The following RNF38 variants were observed in gnomAD, a reference collection of about 807,000 sequenced individuals.
RNF38 encodes ring finger protein 38, also known as E3 ubiquitin-protein ligase RNF38.
Under a neutral mutation model 67.2 loss-of-function variants are expected in RNF38, and 15 were observed. The ratio of observed to expected loss-of-function variants is 0.22; its 90% CI spans 0.15 to 0.34. The LOEUF (loss-of-function observed/expected upper bound fraction) is 0.34. RNF38 is among the 10% of genes least tolerant of loss of function. RNF38 has a pLI of 1.00. For synonymous variants in RNF38, 220 were observed against 218.8 expected (o/e 1.01, Z -0.05); for missense variants, 524 against 639.9 (o/e 0.82, Z 1.95).
intron 4 of RNF38, 68 bp from the exon 5 acceptor site, chr9:36,358,010 C>T: frequency 7.5e-7 from 1 of 1,339,624 alleles, no homozygotes; most frequent in South Asian, 1.3e-5. Flanking sequence ...TCAAAATCAA[C>T]ATTTGGTCAT....
Position 36,375,681 on chromosome 9 carries a change from G to A in RNF38, c.356+253C>T, listed in dbSNP as rs560605678. The stretch of plus-strand genomic sequence containing the variant: ...TAGTCCACAACAATCTGTACCTTAA[G>A]TAGCTAATTTCATATATAATGGCAT... On this transcript the variant is annotated intron_variant, in intron 3 of 11. Transcript: ENST00000259605. 1.6e-4 allele frequency among the ~76,000 whole-genome samples: 24 copies of A among 152,268 alleles called. No individual in the cohort carries two copies. The South Asian group carries it at 5.0e-3, about 32-fold the overall frequency.
At chr9:36,384,565 A>G (rs9407038) in intron 2 of RNF38, among the ~76,000 whole-genome samples, 99,418 of 152,058 alleles carry the variant, frequency 0.65, 32,567 homozygotes, top group South Asian at 0.67. Flanking sequence ...TGCAGGATGA[A>G]GGGCTGAAAA....
rs536218369 is a variant in RNF38, at chr9:36,360,024, C to T, written c.571-2082G>A. Among the ~76,000 whole-genome samples, 74 of 152,094 alleles carry T rather than the reference C, an allele frequency of 4.9e-4. 1 individual carries two copies. The highest frequency in any genetic ancestry group is 1.7e-3 in the African/African-American group (72 of 41,472). On this transcript the variant is annotated intron_variant, in intron 4 of 11. Transcript: ENST00000259605. ...CCTCCCAAAGTGTTAGGATTATAGG[C>T]GTGAGCCACCGTGCCTGACCTATAT...
intron 1 of RNF38, among the ~76,000 whole-genome samples, chr9:36,435,875 C>G (rs1033410394): frequency 2.6e-5 from 4 of 152,064 alleles, no homozygotes; most frequent in Non-Finnish European, 5.9e-5. Context: ...GTGATCCGCC[C>G]GCCTCAGCCT....
chr9:36,347,358 C>A (rs1026048159), intron 9 of RNF38, among the ~76,000 whole-genome samples: 7 of 152,124 alleles, frequency 4.6e-5, no homozygotes, highest in Non-Finnish European at 1.0e-4. Context: ...ACAGATACGA[C>A]CTTTTTAAAA....
At chr9:36,445,941 GTAGCACT>G (rs1587149242) in intron 1 of RNF38, among the ~76,000 whole-genome samples, 1 of 152,176 alleles carries the variant, frequency 6.6e-6, no homozygotes, top group East Asian at 1.9e-4. Flanking sequence ...GCCACACAGT[GTAGCACT>G]TAGTCCCTGA....
intron 2 of RNF38, among the ~76,000 whole-genome samples, chr9:36,423,143 G>C (rs1838671637): frequency 6.6e-6 from 1 of 152,136 alleles, no homozygotes; most frequent in African/African-American, 2.4e-5. Flanking sequence ...AAAATCTGTA[G>C]TATACAAAAT....
intron 1 of RNF38, among the ~76,000 whole-genome samples, chr9:36,437,570 A>G (rs35615849): frequency 0.35 from 53,495 of 151,466 alleles, 9,512 homozygotes; most frequent in Non-Finnish European, 0.39. Context: ...AAAAAAAAAA[A>G]AAGAAGAGGC....
chr9:36,414,943 T>TC (rs1838423486), intron 2 of RNF38, among the ~76,000 whole-genome samples: 1 of 152,218 alleles, frequency 6.6e-6, no homozygotes, highest in South Asian at 2.1e-4. Context: ...TGACAGGTTT[T>TC]CCTTTATGCT....
Position 36,363,023 on chromosome 9 carries a change from GATTA to G in RNF38, c.571-5085_571-5082del, listed in dbSNP as rs1427146332. ...AATACCTTTTCGCTGTCTTCACGGTGATTAATTGTTTCAGTCTATGAGACAGGGG... is the reference window on the plus strand; with the variant it reads ...AATACCTTTTCGCTGTCTTCACGGTGATTGTTTCAGTCTATGAGACAGGGG... On this transcript the variant is annotated intron_variant, in intron 4 of 11. Coordinates refer to ENST00000259605, the MANE Select transcript of RNF38 (RefSeq NM_022781.5). Among the ~76,000 whole-genome samples the G allele has an allele frequency of 5.0e-5, 5 of 99,398 alleles. 2 individuals carry two copies. The highest frequency in any genetic ancestry group is 1.3e-4 in the Non-Finnish European group (5 of 38,310). The allele number at this position is 99,398 out of a possible 152,430, so 65.2% of individuals were successfully genotyped here. A position where few individuals can be genotyped will look rare whatever the true frequency, so the allele number is the denominator to read the frequency against.
upstream of RNF38, among the ~76,000 whole-genome samples, chr9:36,404,073 T>G (rs1838124027): frequency 6.6e-6 from 1 of 152,342 alleles, no homozygotes; most frequent in African/African-American, 2.4e-5. Context: ...CCTTAGAATT[T>G]TTATTATTTT....
intron 1 of RNF38, among the ~76,000 whole-genome samples, chr9:36,452,532 T>C (rs1472282397): frequency 6.6e-6 from 1 of 152,006 alleles, no homozygotes; most frequent in Non-Finnish European, 1.5e-5. Context: ...AGCAAAATCT[T>C]GCTTTTTTTT....
intron 1 of RNF38, among the ~76,000 whole-genome samples, chr9:36,480,028 G>C (rs1840212732): frequency 6.6e-6 from 1 of 152,068 alleles, no homozygotes; most frequent in Non-Finnish European, 1.5e-5. Context: ...GCCCAGGCTG[G>C]AGTGCAGTGG....
At position 36,352,996 on chromosome 9, in the gene RNF38, G is replaced by C. The variant is rs573692938; in HGVS notation, c.1072-148C>G. ...TTCCTTAAATACTAACTTATTAATG[G>C]ATGCAGCAACCATTTTAAACCATAC... On this transcript the variant is annotated intron_variant, in intron 7 of 11. Coordinates refer to ENST00000259605, the MANE Select transcript of RNF38 (RefSeq NM_022781.5). 5 of 806,580 alleles carry C rather than the reference G, an allele frequency of 6.2e-6. No homozygotes were observed. The Admixed American group carries it at 1.1e-4, about 17-fold the overall frequency. The allele number at this position is 806,580 out of a possible 1,614,324, so 50.0% of individuals were successfully genotyped here.
intron 1 of RNF38, among the ~76,000 whole-genome samples, chr9:36,469,080 C>CT (rs1839933024): frequency 6.6e-6 from 1 of 152,124 alleles, no homozygotes; most frequent in African/African-American, 2.4e-5. Context: ...CCACTGGACT[C>CT]TGGCCTGGGC....
chr9:36,360,007 A>T (rs958983640), intron 4 of RNF38, among the ~76,000 whole-genome samples: 1 of 151,988 alleles, frequency 6.6e-6, no homozygotes, highest in Admixed American at 6.6e-5. Context: ...AGCCTCCCAA[A>T]GTGTTAGGAT....
chr9:36,487,424 G>A (rs958121313), exon 1 of RNF38: 76 of 980,720 alleles, frequency 7.7e-5, no homozygotes, highest in Non-Finnish European at 8.9e-5. Context: ...CGGCGGCGGT[G>A]GGGGGCGCGG....
At chr9:36,355,337 C>T (rs1834020652) in intron 6 of RNF38, among the ~76,000 whole-genome samples, 1 of 152,168 alleles carries the variant, frequency 6.6e-6, no homozygotes, top group Non-Finnish European at 1.5e-5. Flanking sequence ...CTGAACCTGG[C>T]CTATCAAAAC....
At chr9:36,406,248 G>T (rs1201947509) in intron 2 of RNF38, among the ~76,000 whole-genome samples, 10 of 152,232 alleles carry the variant, frequency 6.6e-5, no homozygotes, top group Non-Finnish European at 1.3e-4. Flanking sequence ...ACAGCTACAG[G>T]TAAAGAACCA....
Sources: allele counts gnomAD v4.1 joint callset (sites outside exome capture counted in the v4.1 genomes callset), GRCh38; gene constraint gnomAD v4.1.1; transcripts MANE v1.5; gene names NCBI Gene and HGNC (gene_info 2026-07-23, HGNC 2026-07-21).